The following SYTL2 variants were observed in gnomAD, a reference collection of about 807,000 sequenced individuals.
The protein encoded by SYTL2 is synaptotagmin-like protein 2.
SYTL2 carries 165 observed loss-of-function variants against 198.7 expected under a neutral mutation model. That is an observed-to-expected ratio of 0.83 (90% CI 0.73 to 0.94). SYTL2 has a LOEUF of 0.94. Among genes scored for constraint, SYTL2 ranks in the 40% least tolerant of loss-of-function variants. SYTL2 has a pLI of 0.00. For missense variants in SYTL2, 2,835 were observed against 2,582.8 expected, an observed-to-expected ratio of 1.10 and a Z score of -2.12; for synonymous variants, 966 against 917.7, an observed-to-expected ratio of 1.05 and a Z score of -0.95.
intron 2 of SYTL2, among the ~76,000 whole-genome samples, chr11:85,753,191 T>G (rs1424361765): frequency 6.6e-6 from 1 of 152,024 alleles, no homozygotes; most frequent in African/African-American, 2.4e-5. Context: ...AAGACTAAAA[T>G]TACATATGTG....
chr11:85,737,270 A>C (rs2090423277), intron 5 of SYTL2, among the ~76,000 whole-genome samples: 1 of 152,214 alleles, frequency 6.6e-6, no homozygotes, highest in Admixed American at 6.5e-5. Flanking sequence ...ATAAGGACTG[A>C]CATGGAACTA....
the SYTL2 span, among the ~76,000 whole-genome samples, chr11:85,852,190 T>TA: frequency 1.3e-5 from 2 of 152,152 alleles, no homozygotes; most frequent in African/African-American, 4.8e-5. Context: ...ATCCATTTTT[T>TA]AAAAAACAAA....
intron 2 of SYTL2, among the ~76,000 whole-genome samples, chr11:85,755,788 G>T (rs1265408219): frequency 6.6e-6 from 1 of 152,156 alleles, no homozygotes; most frequent in African/African-American, 2.4e-5. Context: ...GGGAGGAAAT[G>T]AAAGGAGGCT....
chr11:85,784,712 T>C (rs2153608255), intron 1 of SYTL2, among the ~76,000 whole-genome samples: 1 of 152,292 alleles, frequency 6.6e-6, no homozygotes, highest in East Asian at 1.9e-4. Context: ...TACATGTTCG[T>C]TTTATTAAAT....
At chr11:85,706,393 AC>A (rs770056262) in intron 15 of SYTL2, among the ~76,000 whole-genome samples, 17 of 152,250 alleles carry the variant, frequency 1.1e-4, no homozygotes, top group Admixed American at 2.0e-4. Context: ...GGCAAGGAAG[AC>A]AATAAAACCA....
At position 85,727,435 on chromosome 11, in the gene SYTL2, A is replaced by C. The variant is rs1194321407; in HGVS notation, c.1923T>G (p.Ser641Arg). Residue 641 changes from serine (S) to arginine (R), a missense_variant, in exon 8 of 20, where the codon AGT becomes AGG. Physicochemically the swap from Ser to Arg is moderately radical, Grantham distance 110 (BLOSUM62 -1). This residue lies in a region of SYTL2 where 2,645 missense variants were observed against 2,381.7 expected (regional missense o/e 1.11). Coordinates refer to ENST00000359152, the MANE Select transcript of SYTL2 (RefSeq NM_206927.4). ...LQPFESYGTP[S>R]QGSKNMDYSQ... ...TATAGTCCATATTTTTACTCCCTTGACTTGGGGTGCCATAGCTTTCAAATG... is the reference window on the plus strand; with the variant it reads ...TATAGTCCATATTTTTACTCCCTTGCCTTGGGGTGCCATAGCTTTCAAATG... The C allele has an allele frequency of 1.3e-6, 2 of 1,535,992 alleles. No homozygotes were observed. The highest frequency in any genetic ancestry group is 2.7e-5 in the African/African-American group (2 of 72,964).
At chr11:85,796,322 G>A (rs2092803741) in intron 1 of SYTL2, among the ~76,000 whole-genome samples, 1 of 152,132 alleles carries the variant, frequency 6.6e-6, no homozygotes, top group South Asian at 2.1e-4. Context: ...GCTGATATCT[G>A]ACACACCATA....
At position 85,726,031 on chromosome 11, in the gene SYTL2, G is replaced by A. The variant is rs767075986; in HGVS notation, c.3327C>T (p.Tyr1109=). The change falls in exon 8 of 20, where the codon TAC becomes TAT. Residue 1109 remains tyrosine (Y), a synonymous_variant. Coordinates refer to ENST00000359152, the MANE Select transcript of SYTL2 (RefSeq NM_206927.4). ...VTPVFKEEKD[Y]SEQEIQESII... ...TGGATTCTTGAATCTCTTGTTCTGA[G>A]TAATCCTTTTCTTCCTTAAACACTG... 10 of 1,612,990 alleles carry A rather than the reference G, an allele frequency of 6.2e-6. No individual in the cohort carries two copies. The African/African-American group carries it at 1.1e-4, about 17-fold the overall frequency.
chr11:85,723,102 C>T (rs916935410), intron 8 of SYTL2, among the ~76,000 whole-genome samples: 1 of 152,208 alleles, frequency 6.6e-6, no homozygotes, highest in Admixed American at 6.5e-5. Context: ...AATCAGGTAG[C>T]TTCTCATTCC....
chr11:85,730,331 A>G (rs1389871751), intron 7 of SYTL2, among the ~76,000 whole-genome samples: 2 of 152,106 alleles, frequency 1.3e-5, no homozygotes, highest in Non-Finnish European at 1.5e-5. Flanking sequence ...GAACATTGAT[A>G]CCAACATTCT....
the SYTL2 span, chr11:85,854,506 A>G: frequency 1.3e-5 from 2 of 152,242 alleles, no homozygotes; most frequent in African/African-American, 4.8e-5. Flanking sequence ...TTACGAACAA[A>G]AAAGGAAAGC....
intron 1 of SYTL2, among the ~76,000 whole-genome samples, chr11:85,788,140 C>T (rs540625369): frequency 4.1e-4 from 63 of 152,286 alleles, no homozygotes; most frequent in African/African-American, 1.5e-3. Flanking sequence ...TTTTTAAAGA[C>T]TATGCTAATT....
chr11:85,757,777 A>G lies in SYTL2; in HGVS notation c.-52T>C, dbSNP rs1459857287. 6.2e-7 allele frequency: 1 copy of G among 1,600,378 alleles called. No individual in the cohort carries two copies. On this transcript the variant is annotated 5_prime_UTR_variant, in exon 2 of 20. Coordinates refer to ENST00000359152, the MANE Select transcript of SYTL2 (RefSeq NM_206927.4). ...GCAACAAATGTGGCTCAAAATTCTCAGGGCTGAACAACTAAGACTGCAACC... is the reference window on the plus strand; with the variant it reads ...GCAACAAATGTGGCTCAAAATTCTCGGGGCTGAACAACTAAGACTGCAACC...
the SYTL2 span, among the ~76,000 whole-genome samples, chr11:85,826,593 C>T: frequency 2.6e-5 from 4 of 152,202 alleles, no homozygotes; most frequent in African/African-American, 4.8e-5. Context: ...AGGGAGCCAG[C>T]GTCTGGAGGA....
At chr11:85,697,169 T>C (rs2083523691) in intron 18 of SYTL2, among the ~76,000 whole-genome samples, 2 of 151,948 alleles carry the variant, frequency 1.3e-5, no homozygotes, top group African/African-American at 4.8e-5. Flanking sequence ...AAATCATAAA[T>C]AATATCATCT....
rs7130946 is a variant in SYTL2, at chr11:85,711,720, A to G, written c.5626-488T>C. Among the ~76,000 whole-genome samples, 393 of 152,236 alleles carry G rather than the reference A, an allele frequency of 2.6e-3. 2 individuals are homozygous for G. Among genetic ancestry groups the G allele is most frequent in the African/African-American group, 8.1e-3 (335 of 41,550 alleles). ...TGACACACTATTAAACTAGGAAAAA[A>G]GAAATGCTAGTCTCATCTGTTTCAA... On this transcript the variant is annotated intron_variant, in intron 12 of 19. Transcript: ENST00000359152.
At chr11:85,766,212 G>T (rs369284267) in intron 1 of SYTL2, among the ~76,000 whole-genome samples, 1 of 152,166 alleles carries the variant, frequency 6.6e-6, no homozygotes, top group Non-Finnish European at 1.5e-5. Context: ...AAGTGTCAAG[G>T]GGGGGAGTTT....
chr11:85,773,759 C>T (rs938703964), intron 1 of SYTL2, among the ~76,000 whole-genome samples: 5 of 152,062 alleles, frequency 3.3e-5, no homozygotes, highest in African/African-American at 1.2e-4. Flanking sequence ...TAAATGTTTT[C>T]TCTATTCAAA....
At chr11:85,798,577 A>T (rs1459715008) in intron 1 of SYTL2, among the ~76,000 whole-genome samples, 1 of 152,246 alleles carries the variant, frequency 6.6e-6, no homozygotes. Context: ...ACAGGACAAC[A>T]TACAGTCATA....
Sources: gnomAD v4.1 joint callset for allele counts (sites outside exome capture counted in the v4.1 genomes callset) on GRCh38, gnomAD v4.1.1 for gene constraint, gnomAD v4.1.1 regional missense constraint, MANE v1.5 for transcripts, NCBI Gene and HGNC (gene_info 2026-07-23, HGNC 2026-07-21) for gene names.